SYNDIG1: variants seen among roughly 807,000 people sequenced by gnomAD.
SYNDIG1 encodes synapse differentiation-inducing gene protein 1.
A neutral mutation model predicts 19.4 loss-of-function variants in SYNDIG1; 9 were observed. The ratio of observed to expected loss-of-function variants is 0.46; its 90% CI spans 0.28 to 0.81. The LOEUF is 0.81. SYNDIG1 is among the 30% of genes least tolerant of loss of function. SYNDIG1 has a pLI of 0.12. For missense variants in SYNDIG1, 311 were observed against 343.3 expected (o/e 0.91, Z 0.74); for synonymous variants, 141 against 145.9 (o/e 0.97, Z 0.24).
Position 24,658,568 on chromosome 20 carries a change from T to C in SYNDIG1, c.619-6778T>C, listed in dbSNP as rs1234790748. Reference sequence around the variant, plus strand: ...CTGTGTCCTTCATCTTGCAGCCGTTTCATTATCTCCACCCTGACATCGAAC... The same window carrying C: ...CTGTGTCCTTCATCTTGCAGCCGTTCCATTATCTCCACCCTGACATCGAAC... On this transcript the variant is annotated intron_variant, in intron 3 of 3. Coordinates refer to ENST00000376862, the MANE Select transcript of SYNDIG1 (RefSeq NM_024893.3). The surrounding 1 kb of genome is among the most constrained non-coding windows in gnomAD (Gnocchi z 4.4). Among the ~76,000 whole-genome samples, 1 of 152,024 alleles carries C rather than the reference T, an allele frequency of 6.6e-6. No homozygotes were observed. The highest frequency in any genetic ancestry group is 1.5e-5 in the Non-Finnish European group (1 of 67,994).
chr20:24,508,816 C>T (rs1219935079), intron 1 of SYNDIG1, among the ~76,000 whole-genome samples: 1 of 152,140 alleles, frequency 6.6e-6, no homozygotes, highest in African/African-American at 2.4e-5. Context: ...CAGGCGCAGG[C>T]TGGAGTCACA....
chr20:24,553,321 C>T (rs1439753123), intron 2 of SYNDIG1, among the ~76,000 whole-genome samples: 1 of 152,110 alleles, frequency 6.6e-6, no homozygotes, highest in East Asian at 1.9e-4. Flanking sequence ...TTAATGAGAT[C>T]CCATTTGTCA....
At chr20:24,528,295 G>A (rs2057169604) in intron 1 of SYNDIG1, among the ~76,000 whole-genome samples, 1 of 152,078 alleles carries the variant, frequency 6.6e-6, no homozygotes, top group South Asian at 2.1e-4. Flanking sequence ...TCATCTGAAA[G>A]TGTTAATACC....
intron 3 of SYNDIG1, among the ~76,000 whole-genome samples, chr20:24,603,289 C>A (rs1198467879): frequency 1.3e-5 from 2 of 152,104 alleles, no homozygotes; most frequent in African/African-American, 4.8e-5. Flanking sequence ...GCTGCCAAAT[C>A]CTCTGAGCAC....
intron 1 of SYNDIG1, among the ~76,000 whole-genome samples, chr20:24,473,908 C>T (rs1441054194): frequency 2.0e-5 from 3 of 152,138 alleles, no homozygotes; most frequent in East Asian, 1.9e-4. Flanking sequence ...AGAAAAGTGA[C>T]GTGGTTTGTC....
At chr20:24,663,883 T>G (rs2059625856) in intron 3 of SYNDIG1, among the ~76,000 whole-genome samples, 1 of 152,152 alleles carries the variant, frequency 6.6e-6, no homozygotes. Flanking sequence ...GAAAGGCAAT[T>G]ACAGGAAATT....
chr20:24,475,572 C>T (rs1022466310), intron 1 of SYNDIG1, among the ~76,000 whole-genome samples: 1 of 152,166 alleles, frequency 6.6e-6, no homozygotes, highest in East Asian at 1.9e-4. Flanking sequence ...AGCACAGGGG[C>T]TGGCCTGGGC....
At chr20:24,553,384 C>A (rs1353104734) in intron 2 of SYNDIG1, among the ~76,000 whole-genome samples, 2 of 152,106 alleles carry the variant, frequency 1.3e-5, no homozygotes, top group Non-Finnish European at 2.9e-5. Context: ...AAGTCCTTGC[C>A]CATGCCTGTG....
chr20:24,550,442 T>C (rs1358596942), intron 2 of SYNDIG1, among the ~76,000 whole-genome samples: 1 of 152,142 alleles, frequency 6.6e-6, no homozygotes, highest in African/African-American at 2.4e-5. Flanking sequence ...ACTTAGGTAA[T>C]CATGTGTGGT....
chr20:24,563,472 G>A (rs557816118), intron 2 of SYNDIG1, among the ~76,000 whole-genome samples: 42 of 152,250 alleles, frequency 2.8e-4, no homozygotes, highest in East Asian at 9.7e-4. Context: ...ATGAGACACC[G>A]GACCCCTCAC....
At chr20:24,502,905 G>C (rs765010353) in intron 1 of SYNDIG1, among the ~76,000 whole-genome samples, 1 of 152,232 alleles carries the variant, frequency 6.6e-6, no homozygotes, top group Non-Finnish European at 1.5e-5. Context: ...TGGGAGTTTT[G>C]TCTTTGCATT....
chr20:24,549,754 G>A (rs2057667465), intron 2 of SYNDIG1, among the ~76,000 whole-genome samples: 1 of 152,172 alleles, frequency 6.6e-6, no homozygotes, highest in Non-Finnish European at 1.5e-5. Flanking sequence ...GGTCACATAC[G>A]GGCTTGAAGG....
Position 24,485,976 on chromosome 20 carries a change from A to G in SYNDIG1, c.-79+16223A>G, listed in dbSNP as rs146121277. ...TGTCTCGTGGCCACCCTTGGTAATA[A>G]GAAAGTATGGGGTACAATTGAGGAT... On this transcript the variant is annotated intron_variant, in intron 1 of 3. Transcript: ENST00000376862. Among the ~76,000 whole-genome samples the G allele has an allele frequency of 3.2e-3, 484 of 152,324 alleles. 7 individuals are homozygous for G. The highest frequency in any genetic ancestry group is 2.7e-3 in the Non-Finnish European group (184 of 68,032).
chr20:24,543,707 A>G, intron 2 of SYNDIG1, 130 bp downstream of exon 2: 1 of 1,288,890 alleles, frequency 7.8e-7, no homozygotes, highest in Non-Finnish European at 1.1e-6. Context: ...AACCAAAGGC[A>G]GTCTTGGTGC....
chr20:24,624,094 C>G (rs1196102366), intron 3 of SYNDIG1, among the ~76,000 whole-genome samples: 4 of 151,996 alleles, frequency 2.6e-5, no homozygotes, highest in African/African-American at 9.7e-5. Flanking sequence ...AACCCCATCT[C>G]TACTAAAAAT....
chr20:24,656,747 C>G (rs2059529486), intron 3 of SYNDIG1, among the ~76,000 whole-genome samples: 1 of 152,260 alleles, frequency 6.6e-6, no homozygotes, highest in Admixed American at 6.5e-5. Flanking sequence ...CCGCAGCCCC[C>G]TCCCTCTCAG....
intron 1 of SYNDIG1, among the ~76,000 whole-genome samples, chr20:24,477,488 C>T (rs1321401275): frequency 6.6e-6 from 1 of 152,158 alleles, no homozygotes; most frequent in African/African-American, 2.4e-5. Flanking sequence ...GCTACTTCAG[C>T]CTTGCCCCCG....
At chr20:24,575,061 A>G (rs2058206131) in intron 2 of SYNDIG1, among the ~76,000 whole-genome samples, 2 of 152,210 alleles carry the variant, frequency 1.3e-5, no homozygotes, top group Admixed American at 1.3e-4. Flanking sequence ...GCCTCATCCC[A>G]TTACTTCTGG....
chr20:24,650,323 G>A (rs944338120), intron 3 of SYNDIG1, among the ~76,000 whole-genome samples: 8 of 152,246 alleles, frequency 5.3e-5, no homozygotes, highest in African/African-American at 1.9e-4. Context: ...TTTATAAACA[G>A]AAATCTGCAA....
Sources: gnomAD v4.1 joint callset for allele counts (sites outside exome capture counted in the v4.1 genomes callset) on GRCh38, gnomAD v4.1.1 for gene constraint, Gnocchi (gnomAD v3.1) non-coding constraint, MANE v1.5 for transcripts, NCBI Gene and HGNC (gene_info 2026-07-23, HGNC 2026-07-21) for gene names.